The following SMARCC1 variants were observed in gnomAD, a reference collection of about 807,000 sequenced individuals.
SMARCC1 encodes SWI/SNF related BAF chromatin remodeling complex subunit C1.
A neutral mutation model predicts 147.4 loss-of-function variants in SMARCC1; 43 were observed. The observed-to-expected ratio is 0.29, with a 90% CI of 0.23 to 0.38. SMARCC1 has a LOEUF of 0.38. Ranked by LOEUF, SMARCC1 falls within the 10% of genes least tolerant of loss-of-function variation. SMARCC1 has a pLI of 1.00. For synonymous variants in SMARCC1, 495 were observed against 484.4 expected (o/e 1.02, Z -0.29); for missense variants, 1,119 against 1,381.1 (o/e 0.81, Z 3.01).
intron 10 of SMARCC1, among the ~76,000 whole-genome samples, chr3:47,704,181 A>G (rs2033962344): frequency 6.6e-6 from 1 of 152,186 alleles, no homozygotes; most frequent in African/African-American, 2.4e-5. Flanking sequence ...CAAGTGCTGC[A>G]TGATGATTTT....
chr3:47,751,515 T>C (rs937158169), intron 2 of SMARCC1, among the ~76,000 whole-genome samples: 4 of 150,102 alleles, frequency 2.7e-5, no homozygotes, highest in African/African-American at 7.4e-5. Context: ...CACTCCAGCC[T>C]GGGCAACAGA....
chr3:47,717,804 T>A (rs1441718376), intron 7 of SMARCC1, among the ~76,000 whole-genome samples: 4 of 151,992 alleles, frequency 2.6e-5, no homozygotes, highest in African/African-American at 9.7e-5. Context: ...TGGCCTCAAG[T>A]GATCCACCCA....
intron 3 of SMARCC1, among the ~76,000 whole-genome samples, chr3:47,741,971 A>G (rs2034515139): frequency 6.6e-6 from 1 of 151,390 alleles, no homozygotes; most frequent in South Asian, 2.1e-4. Context: ...TGCTGTCATC[A>G]TACAAAGCTC....
At chr3:47,753,643 C>T (rs1013130582) in intron 2 of SMARCC1, among the ~76,000 whole-genome samples, 2 of 124,222 alleles carry the variant, frequency 1.6e-5, no homozygotes, top group Admixed American at 2.1e-4. Flanking sequence ...ATTCGGGAGG[C>T]GGAGGTTGCA....
rs2035052344 is a variant in SMARCC1 at position 47,781,787 on chromosome 3, G to A, written c.11C>T (p.Ala4Val). The change falls in exon 1 of 28, where the codon GCG becomes GTG. Residue 4 changes from alanine (A) to valine (V), a missense_variant. This residue lies in a region of SMARCC1 where 542 missense variants were observed against 611.8 expected (regional missense o/e 0.89). Transcript: ENST00000254480. MAA[A>V]AGGGGPGTAV... Reference sequence around the variant, plus strand: ...TGTCCCCGGCCCGCCGCCGCCCGCCGCTGCGGCCATCGTCGCAGCCCGTCG... The same window carrying A: ...TGTCCCCGGCCCGCCGCCGCCCGCCACTGCGGCCATCGTCGCAGCCCGTCG... 11 of 1,459,676 alleles carry A rather than the reference G, an allele frequency of 7.5e-6. No individual in the cohort carries two copies. Among genetic ancestry groups the A allele is most frequent in the East Asian group, 3.0e-5 (1 of 33,108 alleles). The allele number at this position is 1,459,676 out of a possible 1,614,324, so 90.4% of individuals were successfully genotyped here.
chr3:47,733,853 G>GA (rs1299519074), intron 5 of SMARCC1, among the ~76,000 whole-genome samples: 1 of 107,040 alleles, frequency 9.3e-6, no homozygotes. Context: ...GACACAGCGA[G>GA]ACTCTGTCTC....
intron 26 of SMARCC1, chr3:47,604,542 C>T: frequency 6.2e-6 from 2 of 325,102 alleles, no homozygotes; most frequent in South Asian, 2.6e-5. Context: ...GAGACTAAAG[C>T]CATTCTGGCC....
At chr3:47,680,128 G>T in intron 15 of SMARCC1, 1 of 248,092 alleles carries the variant, frequency 4.0e-6, no homozygotes, top group Non-Finnish European at 7.6e-6. Context: ...AGGCAGAGAT[G>T]GGAGGATCCT....
chr3:47,756,689 C>T (rs777507624), intron 2 of SMARCC1, among the ~76,000 whole-genome samples: 2 of 152,090 alleles, frequency 1.3e-5, no homozygotes, highest in Non-Finnish European at 2.9e-5. Context: ...TAAAGTTTTA[C>T]TGAAGCAAAT....
At chr3:47,595,545 AAAAT>A (rs2032260732) in intron 26 of SMARCC1, among the ~76,000 whole-genome samples, 2 of 742 alleles carry the variant, frequency 2.7e-3, no homozygotes, top group Admixed American at 0.12. Flanking sequence ...ATAAATAAAT[AAAAT>A]AAAATAAAAT....
intron 27 of SMARCC1, among the ~76,000 whole-genome samples, chr3:47,588,536 T>C (rs2032116479): frequency 6.6e-6 from 1 of 151,984 alleles, no homozygotes; most frequent in Non-Finnish European, 1.5e-5. Flanking sequence ...GTGGGAGGTG[T>C]CTGAATTTCC....
chr3:47,752,906 G>A (rs2034643910), intron 2 of SMARCC1, among the ~76,000 whole-genome samples: 1 of 152,120 alleles, frequency 6.6e-6, no homozygotes, highest in African/African-American at 2.4e-5. Flanking sequence ...ACTCTCAACT[G>A]TGTGACCCAA....
chr3:47,751,556 G>C (rs55818541), intron 2 of SMARCC1, among the ~76,000 whole-genome samples: 38,759 of 143,232 alleles, frequency 0.27, 5,642 homozygotes, highest in South Asian at 0.43. Context: ...AAAAAAAAAA[G>C]AAAACAAAAC....
At chr3:47,684,197 G>C (rs1397037591) in intron 14 of SMARCC1, among the ~76,000 whole-genome samples, 1 of 142,408 alleles carries the variant, frequency 7.0e-6, no homozygotes, top group African/African-American at 2.6e-5. Context: ...CCGAGATCCC[G>C]CCACTGCAGT....
In SMARCC1 at chr3:47,750,036, G is replaced by C. The variant is rs2062502; in HGVS notation, c.316-4043C>G. ...CATGGAGCTTGCAGTGAGCCAAGAT[G>C]GTGCCACTGCACTCCAGCCTGGGTG... On this transcript the variant is annotated intron_variant, in intron 2 of 27. Coordinates refer to ENST00000254480, the MANE Select transcript of SMARCC1 (RefSeq NM_003074.4). 1.4e-4 allele frequency among the ~76,000 whole-genome samples: 21 copies of C among 151,216 alleles called. No individual in the cohort carries two copies. The South Asian group carries it at 4.2e-3, about 30-fold the overall frequency.
intron 25 of SMARCC1, among the ~76,000 whole-genome samples, chr3:47,617,467 TAAG>T (rs1224519274): frequency 6.6e-6 from 1 of 152,252 alleles, no homozygotes; most frequent in Non-Finnish European, 1.5e-5. Context: ...TTATGAATCT[TAAG>T]AATTTTGTAC....
intron 27 of SMARCC1, among the ~76,000 whole-genome samples, chr3:47,588,890 A>T (rs2032128265): frequency 6.6e-6 from 1 of 152,094 alleles, no homozygotes; most frequent in African/African-American, 2.4e-5. Context: ...GGCCCAAACT[A>T]GGTCATGTCC....
intron 4 of SMARCC1, among the ~76,000 whole-genome samples, chr3:47,736,702 AAAAT>A (rs2034448260): frequency 6.6e-6 from 1 of 152,058 alleles, no homozygotes; most frequent in African/African-American, 2.4e-5. Context: ...AAAATCAAAT[AAAAT>A]AAATAAAAAA....
chr3:47,598,224 G>A (rs1304897082), intron 26 of SMARCC1, among the ~76,000 whole-genome samples: 3 of 152,090 alleles, frequency 2.0e-5, no homozygotes, highest in Non-Finnish European at 4.4e-5. Context: ...TCTAGGTGGC[G>A]TGAAGGACAA....
Sources: allele counts gnomAD v4.1 joint callset (sites outside exome capture counted in the v4.1 genomes callset), GRCh38; gene constraint gnomAD v4.1.1; regional missense constraint gnomAD v4.1.1; transcripts MANE v1.5; gene names NCBI Gene and HGNC (gene_info 2026-07-23, HGNC 2026-07-21).